PKHD1: variants seen among roughly 807,000 people sequenced by gnomAD.
PKHD1 encodes PKHD1 ciliary IPT domain containing fibrocystin/polyductin, also known as fibrocystin.
PKHD1 carries 291 observed loss-of-function variants against 412.0 expected under a neutral mutation model. That is an observed-to-expected ratio of 0.71 (90% CI 0.64 to 0.78). PKHD1 has a LOEUF of 0.78. Ranked by LOEUF, PKHD1 falls within the 30% of genes least tolerant of loss-of-function variation. The pLI is 0.00. For missense variants in PKHD1, 4,825 were observed against 4,950.7 expected (o/e 0.97, Z 0.76); for synonymous variants, 1,777 against 1,821.5 (o/e 0.98, Z 0.62).
In PKHD1 at chr6:51,677,374, G is replaced by A. The variant is rs567426009; in HGVS notation, c.10157-17405C>T. On this transcript the variant is annotated intron_variant, in intron 60 of 66. Coordinates refer to ENST00000371117, the MANE Select transcript of PKHD1 (RefSeq NM_138694.4). ...GTGAAGTGGCTTTCAATGCTCGGGAGCCACAAAACGCCCAAGAGTGAAGAC... is the reference window on the plus strand; with the variant it reads ...GTGAAGTGGCTTTCAATGCTCGGGAACCACAAAACGCCCAAGAGTGAAGAC... Among the ~76,000 whole-genome samples the A allele has an allele frequency of 3.3e-5, 5 of 152,210 alleles. No homozygotes were observed. In the South Asian group the frequency reaches 1.0e-3, roughly 32 times the overall value.
At position 51,890,627 on chromosome 6, in the gene PKHD1, C is replaced by T. The variant is rs185395000; in HGVS notation, c.6997-3382G>A. On this transcript the variant is annotated intron_variant, in intron 43 of 66. Transcript: ENST00000371117. ...CCAAATCTGGAGAGCATCTTGCAGG[C>T]CAGATTTAACTAAGGAGTTGCTCTT... Among the ~76,000 whole-genome samples, 205 of 152,132 alleles carry T rather than the reference C, an allele frequency of 1.3e-3. 2 individuals carry two copies. Among genetic ancestry groups the T allele is most frequent in the African/African-American group, 4.7e-3 (196 of 41,496 alleles).
rs794727592 is a variant in PKHD1, at chr6:51,959,870, C to A, written c.5908G>T (p.Gly1970Trp). 1 of 1,612,480 alleles carries A rather than the reference C, an allele frequency of 6.2e-7. No homozygotes were observed. Residue 1970 changes from glycine to tryptophan, a missense_variant and splice_region_variant, in exon 36 of 67, where the codon GGG (glycine) becomes TGG (tryptophan). Physicochemically the swap from Gly to Trp is radical, Grantham distance 184. Coordinates refer to ENST00000371117, the MANE Select transcript of PKHD1 (RefSeq NM_138694.4). ...TTACCAACCTACAAACTTCACACAC[C>A]TTTAATGTGCAGTAAGTTGAGGATG... The part of the protein sequence containing the change: ...TSILNLLHIK[G>W]GKLIFMAPGP...
chr6:51,801,041 A>G (rs981168031), intron 52 of PKHD1, among the ~76,000 whole-genome samples: 4 of 152,224 alleles, frequency 2.6e-5, no homozygotes, highest in African/African-American at 9.6e-5. Flanking sequence ...TTGAATCACT[A>G]TTAAATGATC....
intron 45 of PKHD1, among the ~76,000 whole-genome samples, chr6:51,884,793 T>C (rs890541210): frequency 1.6e-4 from 25 of 152,190 alleles, no homozygotes; most frequent in Admixed American, 7.2e-4. Context: ...TTTAAGCCCC[T>C]GCAGGTATAA....
Position 52,017,393 on chromosome 6 carries a change from G to A in PKHD1, c.5600+17C>T, listed in dbSNP as rs773362786. On this transcript the variant is annotated intron_variant, in intron 34 of 66. Transcript: ENST00000371117. ...AGCATTTGTGGGGAAGTTCAGGGAGGGAGAAGGTAAAGTTACCTGATAAAG... is the reference window on the plus strand; with the variant it reads ...AGCATTTGTGGGGAAGTTCAGGGAGAGAGAAGGTAAAGTTACCTGATAAAG... The A allele has an allele frequency of 6.5e-7, 1 of 1,542,820 alleles. No individual in the cohort carries two copies. The highest frequency in any genetic ancestry group is 1.1e-5 in the South Asian group (1 of 89,608).
intron 62 of PKHD1, 36 bp from the exon 63 acceptor site, chr6:51,648,154 G>T (rs765537651): frequency 8.4e-7 from 1 of 1,189,836 alleles, no homozygotes; most frequent in South Asian, 1.2e-5. Flanking sequence ...GGAAGAAAAA[G>T]TTGGATTCAG....
chr6:51,883,109 C>A lies in PKHD1; in HGVS notation c.7334G>T (p.Gly2445Val). ...NTSVTDSLLL[G>V]HFAHKGSLCM... ...GGCACTTACCTTGTGGGCAAAATGA[C>A]CAAGTAATAAGCTGTCAGTAACTGA... The change falls in exon 46 of 67, where the codon GGT becomes GTT. Residue 2445 changes from glycine to valine, a missense_variant. Coordinates refer to ENST00000371117, the MANE Select transcript of PKHD1 (RefSeq NM_138694.4). The A allele has an allele frequency of 6.2e-7, 1 of 1,613,312 alleles. No individual in the cohort carries two copies. The highest frequency in any genetic ancestry group is 8.5e-7 in the Non-Finnish European group (1 of 1,179,480).
intron 52 of PKHD1, among the ~76,000 whole-genome samples, chr6:51,813,281 T>C (rs1764973409): frequency 6.6e-6 from 1 of 152,220 alleles, no homozygotes; most frequent in African/African-American, 2.4e-5. Flanking sequence ...TGTCACACCA[T>C]ATTTATAAAG....
chr6:51,644,847 T>C, intron 63 of PKHD1, among the ~76,000 whole-genome samples: 1 of 152,148 alleles, frequency 6.6e-6, no homozygotes, highest in East Asian at 1.9e-4. Flanking sequence ...GTCTACCTAA[T>C]TTTCGTATTA....
chr6:52,022,998 A>C, intron 32 of PKHD1, 54 bp from the exon 33 acceptor site: 1 of 1,603,680 alleles, frequency 6.2e-7, no homozygotes, highest in Non-Finnish European at 8.5e-7. Flanking sequence ...TCCCTTCTTT[A>C]CTCAACTCAA....
intron 55 of PKHD1, among the ~76,000 whole-genome samples, chr6:51,766,796 G>A (rs554674718): frequency 6.6e-6 from 1 of 151,768 alleles, no homozygotes; most frequent in Non-Finnish European, 1.5e-5. Flanking sequence ...GAGTTAATGG[G>A]TGCAAACATT....
chr6:52,081,443 C>A (rs1812012095), intron 4 of PKHD1, among the ~76,000 whole-genome samples: 1 of 152,140 alleles, frequency 6.6e-6, no homozygotes, highest in Non-Finnish European at 1.5e-5. Context: ...GCCCTCAAAG[C>A]ACTTAATTCT....
intron 5 of PKHD1, among the ~76,000 whole-genome samples, chr6:52,079,402 G>A (rs1456274374): frequency 6.6e-6 from 1 of 152,110 alleles, no homozygotes; most frequent in East Asian, 1.9e-4. Context: ...TAGAAATTGG[G>A]TCTCCTCACC....
chr6:51,971,933 T>C (rs1285597651), intron 35 of PKHD1, among the ~76,000 whole-genome samples: 6 of 152,068 alleles, frequency 3.9e-5, no homozygotes, highest in African/African-American at 1.4e-4. Context: ...GGTTTTGCCA[T>C]GTTTCCCTGG....
chr6:52,069,157 G>A (rs1370913917), intron 11 of PKHD1, among the ~76,000 whole-genome samples: 1 of 152,182 alleles, frequency 6.6e-6, no homozygotes, highest in Non-Finnish European at 1.5e-5. Flanking sequence ...GACTTTTTAA[G>A]TGCCACCTTT....
chr6:51,693,692 G>A (rs2150649409), intron 60 of PKHD1, among the ~76,000 whole-genome samples: 1 of 152,264 alleles, frequency 6.6e-6, no homozygotes, highest in East Asian at 1.9e-4. Flanking sequence ...AACATGGGAT[G>A]GCAGTGGTAT....
chr6:51,754,072 A>C (rs987512), intron 56 of PKHD1, among the ~76,000 whole-genome samples: 55,306 of 152,114 alleles, frequency 0.36, 12,038 homozygotes, highest in East Asian at 0.67. Context: ...TTGCCTCTCA[A>C]GTATCAGAGA....
At chr6:51,709,440 C>A (rs1393827943) in intron 60 of PKHD1, among the ~76,000 whole-genome samples, 1 of 152,202 alleles carries the variant, frequency 6.6e-6, no homozygotes, top group African/African-American at 2.4e-5. Context: ...TTTTCCCTTT[C>A]CCTCTCAAGA....
intron 35 of PKHD1, among the ~76,000 whole-genome samples, chr6:52,008,705 GAGAT>G (rs993428599): frequency 6.6e-6 from 1 of 152,132 alleles, no homozygotes; most frequent in African/African-American, 2.4e-5. Flanking sequence ...TACCATGTGT[GAGAT>G]GCAGCTCTCA....
Sources: allele counts gnomAD v4.1 joint callset (sites outside exome capture counted in the v4.1 genomes callset), GRCh38; gene constraint gnomAD v4.1.1; transcripts MANE v1.5; gene names NCBI Gene and HGNC (gene_info 2026-07-23, HGNC 2026-07-21).